Variants in VAV3 observed in about 807,000 individuals in gnomAD.
The protein encoded by VAV3 is vav guanine nucleotide exchange factor 3, also known as guanine nucleotide exchange factor VAV3.
VAV3 carries 94 observed loss-of-function variants against 131.2 expected under a neutral mutation model. The observed-to-expected ratio is 0.72, with a 90% CI of 0.61 to 0.85. The LOEUF is 0.85. Ranked by LOEUF, VAV3 falls within the 40% of genes least tolerant of loss-of-function variation. VAV3 has a pLI of 0.00. For missense variants in VAV3, 939 were observed against 1,002.7 expected (o/e 0.94, Z 0.86); for synonymous variants, 349 against 342.0 (o/e 1.02, Z -0.22).
At position 107,705,037 on chromosome 1, in the gene VAV3, T is replaced by C; in HGVS notation, c.1527A>G (p.Ala509=). Residue 509 remains alanine (A), a synonymous_variant, in exon 16 of 27, where the codon GCA becomes GCG. Coordinates refer to ENST00000370056, the MANE Select transcript of VAV3 (RefSeq NM_006113.5). ...MALSNIRPDY[A]DSNFHDFKMH... The stretch of plus-strand genomic sequence containing the variant: ...TCTTGAAGTCGTGGAAATTGGAGTC[T>C]GCATAGTCTGGTCTTATGTTAGACC... 6.2e-7 allele frequency: 1 copy of C among 1,613,672 alleles called. No homozygotes were observed. The highest frequency in any genetic ancestry group is 8.5e-7 in the Non-Finnish European group (1 of 1,179,772).
chr1:107,607,055 A>G (rs1401766459), intron 22 of VAV3, among the ~76,000 whole-genome samples: 2 of 151,446 alleles, frequency 1.3e-5, no homozygotes, highest in Non-Finnish European at 1.5e-5. Flanking sequence ...CCAGGGTTCA[A>G]GTGATTCTCC....
chr1:107,714,517 A>G (rs1241238180), intron 15 of VAV3, among the ~76,000 whole-genome samples: 2 of 152,146 alleles, frequency 1.3e-5, no homozygotes, highest in African/African-American at 2.4e-5. Context: ...GAAAATTTCC[A>G]GGATAAAATC....
At chr1:107,912,634 A>G (rs1409215405) in intron 1 of VAV3, among the ~76,000 whole-genome samples, 1 of 152,114 alleles carries the variant, frequency 6.6e-6, no homozygotes, top group Non-Finnish European at 1.5e-5. Context: ...TCACTTCACA[A>G]ATATTAAGCA....
intron 19 of VAV3, among the ~76,000 whole-genome samples, chr1:107,666,350 T>C (rs6681111): frequency 6.6e-6 from 1 of 152,138 alleles, no homozygotes; most frequent in Non-Finnish European, 1.5e-5. Flanking sequence ...CTCAAAAATA[T>C]AGTTCTTGGA....
Position 107,572,537 on chromosome 1 carries a change from C to T in VAV3, c.*794G>A, listed in dbSNP as rs2100970816. On this transcript the variant is annotated 3_prime_UTR_variant, in exon 27 of 27. Transcript: ENST00000370056. ...GGCAACTACCCTTAATATACCTAGCCCAGATCCTTTCATAAAGTCAAGTGC... is the reference window on the plus strand; with the variant it reads ...GGCAACTACCCTTAATATACCTAGCTCAGATCCTTTCATAAAGTCAAGTGC... 6.5e-6 allele frequency: 1 copy of T among 152,720 alleles called. No homozygotes were observed. Among genetic ancestry groups the T allele is most frequent in the South Asian group, 2.1e-4 (1 of 4,816 alleles). 9.5% of individuals were successfully genotyped at this position (152,720 alleles called of 1,614,324 possible).
At chr1:107,867,940 T>C (rs1280798237) in intron 2 of VAV3, among the ~76,000 whole-genome samples, 1 of 152,162 alleles carries the variant, frequency 6.6e-6, no homozygotes, top group African/African-American at 2.4e-5. Context: ...TAGGGAGATA[T>C]GGCCTGGCCA....
chr1:107,720,829 G>A (rs1661452140), intron 15 of VAV3, among the ~76,000 whole-genome samples: 1 of 152,200 alleles, frequency 6.6e-6, no homozygotes, highest in South Asian at 2.1e-4. Context: ...AACTTGAGCA[G>A]GACTTGGGGA....
chr1:107,715,523 T>C (rs931057892), intron 15 of VAV3, among the ~76,000 whole-genome samples: 1 of 152,208 alleles, frequency 6.6e-6, no homozygotes, highest in Non-Finnish European at 1.5e-5. Context: ...CTTAGTCATG[T>C]ATTCAACAAA....
chr1:107,881,091 T>C (rs1292862140), intron 1 of VAV3, among the ~76,000 whole-genome samples: 2 of 152,224 alleles, frequency 1.3e-5, no homozygotes, highest in African/African-American at 4.8e-5. Flanking sequence ...CCTTAACTAC[T>C]ATGTTATATT....
chr1:107,795,129 C>T (rs1666474146), intron 2 of VAV3, among the ~76,000 whole-genome samples: 5 of 152,212 alleles, frequency 3.3e-5, no homozygotes, highest in Admixed American at 1.3e-4. Flanking sequence ...TTCTGAGATA[C>T]TCTTGCCAGC....
At chr1:107,934,748 C>G (rs574370854) in intron 1 of VAV3, among the ~76,000 whole-genome samples, 2 of 152,336 alleles carry the variant, frequency 1.3e-5, no homozygotes, top group East Asian at 1.9e-4. Flanking sequence ...CTGTATTTAG[C>G]ATTTTCAAAT....
chr1:107,645,979 C>T (rs143609531), intron 19 of VAV3, among the ~76,000 whole-genome samples: 56 of 152,102 alleles, frequency 3.7e-4, no homozygotes, highest in South Asian at 2.3e-3. Context: ...AAAATCTCTA[C>T]GTAACTTCTC....
chr1:107,913,711 C>G, intron 1 of VAV3, among the ~76,000 whole-genome samples: 1 of 152,196 alleles, frequency 6.6e-6, no homozygotes, highest in Middle Eastern at 3.2e-3. Flanking sequence ...AACCTATACA[C>G]AGGAATCATC....
chr1:107,961,599 A>T (rs11585068), intron 1 of VAV3, among the ~76,000 whole-genome samples: 1 of 152,274 alleles, frequency 6.6e-6, no homozygotes, highest in African/African-American at 2.4e-5. Flanking sequence ...TGTTAAATGT[A>T]TAACTAAATA....
chr1:107,915,406 G>T (rs540167183), intron 1 of VAV3, among the ~76,000 whole-genome samples: 12 of 152,212 alleles, frequency 7.9e-5, no homozygotes, highest in Admixed American at 5.2e-4. Flanking sequence ...TGCAAGTTAT[G>T]ACTATCACCC....
At chr1:107,806,070 CAG>C in intron 2 of VAV3, among the ~76,000 whole-genome samples, 1 of 152,272 alleles carries the variant, frequency 6.6e-6, no homozygotes. Context: ...AGTTACAAAG[CAG>C]AGTTTCCAGG....
At chr1:107,682,847 T>A (rs1386609576) in intron 19 of VAV3, among the ~76,000 whole-genome samples, 4 of 152,134 alleles carry the variant, frequency 2.6e-5, no homozygotes, top group African/African-American at 9.7e-5. Flanking sequence ...AACAAAAGGA[T>A]CACATACATA....
intron 25 of VAV3, among the ~76,000 whole-genome samples, chr1:107,582,895 C>T (rs1319320898): frequency 6.6e-6 from 1 of 152,022 alleles, no homozygotes; most frequent in African/African-American, 2.4e-5. Context: ...GTCTTTATAG[C>T]AGCATGATTT....
intron 19 of VAV3, among the ~76,000 whole-genome samples, chr1:107,657,379 A>C (rs1313515563): frequency 2.0e-5 from 3 of 152,238 alleles, no homozygotes; most frequent in African/African-American, 7.2e-5. Flanking sequence ...ATCATGGCCT[A>C]CAAATAAGAA....
Sources: allele counts gnomAD v4.1 joint callset (sites outside exome capture counted in the v4.1 genomes callset), GRCh38; gene constraint gnomAD v4.1.1; transcripts MANE v1.5; gene names NCBI Gene and HGNC (gene_info 2026-07-23, HGNC 2026-07-21).